Variants in MGMT observed in about 807,000 individuals in gnomAD.
MGMT encodes methylated-DNA--protein-cysteine methyltransferase.
A neutral mutation model predicts 15.9 loss-of-function variants in MGMT; 14 were observed. The ratio of observed to expected loss-of-function variants is 0.88; its 90% CI spans 0.58 to 1.37. The LOEUF is 1.37. Among genes scored for constraint, MGMT ranks in the 40% most tolerant of loss-of-function variants. MGMT has a pLI of 0.00. For synonymous variants in MGMT, 130 were observed against 118.2 expected, an observed-to-expected ratio of 1.10 and a Z score of -0.65; for missense variants, 282 against 268.1, an observed-to-expected ratio of 1.05 and a Z score of -0.36.
Position 129,471,874 on chromosome 10 carries a change from G to A in MGMT, c.-13+4578G>A, listed in dbSNP as rs185418483. Among the ~76,000 whole-genome samples, 3 of 152,318 alleles carry A rather than the reference G, an allele frequency of 2.0e-5. No homozygotes were observed. In the East Asian group the frequency reaches 5.8e-4, roughly 29 times the overall value. On this transcript the variant is annotated intron_variant, in intron 1 of 4. Transcript: ENST00000651593. ...CAGTTGGCATTGCTGCAGGTTTTCTGTGCATATGGGTCTGAGTACGGTTTT... is the reference window on the plus strand; with the variant it reads ...CAGTTGGCATTGCTGCAGGTTTTCTATGCATATGGGTCTGAGTACGGTTTT...
intron 2 of MGMT, among the ~76,000 whole-genome samples, chr10:129,665,128 T>TCCCCTCCTTCAGTCACCCAC (rs141974057): frequency 7.7e-6 from 1 of 129,058 alleles, no homozygotes; most frequent in Non-Finnish European, 1.6e-5. Context: ...CACCCACCCA[T>TCCCCTCCTTCAGTCACCCAC]CCACTCCTTC....
intron 2 of MGMT, among the ~76,000 whole-genome samples, chr10:129,654,131 G>A (rs1056984944): frequency 1.3e-4 from 20 of 152,214 alleles, no homozygotes; most frequent in Admixed American, 6.5e-5. Flanking sequence ...CCCCCGCCTT[G>A]CAGCTGGAGT....
rs58187772 is a variant in MGMT, at chr10:129,691,128, C to G, written c.126-16767C>G. On this transcript the variant is annotated intron_variant, in intron 2 of 4. Transcript: ENST00000651593. ...GCAGCAGTGGGAACTGGGAGCTGTT[C>G]CCGGCGTGGGGAGAAGGCTGACGTT... Among the ~76,000 whole-genome samples the G allele has an allele frequency of 7.0e-3, 1,060 of 152,298 alleles. 14 individuals carry two copies. The highest frequency in any genetic ancestry group is 0.024 in the African/African-American group (1,009 of 41,558).
At chr10:129,700,814 A>G (rs1388182131) in intron 2 of MGMT, 2 of 152,256 alleles carry the variant, frequency 1.3e-5, no homozygotes, top group Non-Finnish European at 2.9e-5. Flanking sequence ...TAAATGCAGG[A>G]CAAATCCATC....
chr10:129,570,956 A>G (rs1179733750), intron 2 of MGMT, among the ~76,000 whole-genome samples: 1 of 152,184 alleles, frequency 6.6e-6, no homozygotes, highest in Non-Finnish European at 1.5e-5. Flanking sequence ...TGTTTTCCCT[A>G]TATCCTTGGT....
intron 1 of MGMT, among the ~76,000 whole-genome samples, chr10:129,518,278 AC>A (rs1845761171): frequency 6.6e-6 from 1 of 151,524 alleles, no homozygotes; most frequent in Non-Finnish European, 1.5e-5. Context: ...ATGTGAAAAA[AC>A]TTTATAAATC....
At chr10:129,547,684 C>A (rs1232731400) in intron 2 of MGMT, among the ~76,000 whole-genome samples, 1 of 152,214 alleles carries the variant, frequency 6.6e-6, no homozygotes, top group East Asian at 1.9e-4. Context: ...AGCTATCCTC[C>A]CGTCCTTGGT....
At chr10:129,583,943 C>T (rs963864600) in intron 2 of MGMT, among the ~76,000 whole-genome samples, 2 of 152,124 alleles carry the variant, frequency 1.3e-5, no homozygotes, top group Admixed American at 6.6e-5. Flanking sequence ...TGAGGCAGGA[C>T]GTGGAGCACC....
At chr10:129,512,038 G>A (rs10741192) in intron 1 of MGMT, among the ~76,000 whole-genome samples, 151,095 of 152,298 alleles carry the variant, frequency 0.99, 74,961 homozygotes, top group Middle Eastern at 1. Flanking sequence ...TGGCTGGCCA[G>A]GAAAGGGCAG....
At chr10:129,622,441 G>A (rs1220382083) in intron 2 of MGMT, among the ~76,000 whole-genome samples, 2 of 152,330 alleles carry the variant, frequency 1.3e-5, no homozygotes, top group East Asian at 3.9e-4. Context: ...GGCATGATCT[G>A]TGCTGGAACC....
intron 1 of MGMT, among the ~76,000 whole-genome samples, chr10:129,524,911 C>T (rs1001814798): frequency 1.3e-5 from 2 of 152,098 alleles, no homozygotes; most frequent in African/African-American, 4.8e-5. Flanking sequence ...TTTATAGGCT[C>T]ATCTTGACAG....
chr10:129,515,814 C>T (rs1311577464), intron 1 of MGMT, among the ~76,000 whole-genome samples: 3 of 151,562 alleles, frequency 2.0e-5, no homozygotes, highest in Non-Finnish European at 4.4e-5. Flanking sequence ...TGATGACAGC[C>T]TCTAACAGAG....
intron 2 of MGMT, among the ~76,000 whole-genome samples, chr10:129,631,270 G>C (rs914479607): frequency 3.9e-5 from 6 of 152,114 alleles, no homozygotes; most frequent in African/African-American, 1.4e-4. Context: ...TAGAGGGAGG[G>C]CTTAGCTCTC....
At position 129,539,753 on chromosome 10, in the gene MGMT, A is replaced by G. The variant is rs1463049886; in HGVS notation, c.125+3376A>G. 3.3e-5 allele frequency among the ~76,000 whole-genome samples: 5 copies of G among 152,134 alleles called. No homozygotes were observed. In the East Asian group the frequency reaches 7.7e-4, roughly 24 times the overall value. On this transcript the variant is annotated intron_variant, in intron 2 of 4. Coordinates refer to ENST00000651593, the MANE Select transcript of MGMT (RefSeq NM_002412.5). ...CATCTCCTGACCTCGTGATCCACCC[A>G]CCTCGGCCTCCCAAAGTGCTGGGAT...
chr10:129,607,208 G>A (rs1228365694), intron 2 of MGMT, among the ~76,000 whole-genome samples: 7 of 151,958 alleles, frequency 4.6e-5, no homozygotes, highest in African/African-American at 4.8e-5. Context: ...AGAACCACGC[G>A]TAAATCCTCA....
chr10:129,496,534 C>T (rs144340817), intron 1 of MGMT, among the ~76,000 whole-genome samples: 48 of 152,234 alleles, frequency 3.2e-4, no homozygotes, highest in African/African-American at 1.0e-3. Context: ...TACTGGCAGC[C>T]GTCTCTAGCC....
chr10:129,753,449 G>T (rs1163337099), intron 3 of MGMT, among the ~76,000 whole-genome samples: 1 of 151,950 alleles, frequency 6.6e-6, no homozygotes, highest in Non-Finnish European at 1.5e-5. Context: ...TGTAACTCCA[G>T]TGACATAAAT....
At chr10:129,472,439 C>T (rs191393707) in intron 1 of MGMT, among the ~76,000 whole-genome samples, 5 of 152,110 alleles carry the variant, frequency 3.3e-5, no homozygotes, top group Middle Eastern at 3.4e-3. Flanking sequence ...AAGGATGAAA[C>T]GAGAAGACGG....
At chr10:129,547,214 C>G (rs1357029709) in intron 2 of MGMT, among the ~76,000 whole-genome samples, 1 of 152,162 alleles carries the variant, frequency 6.6e-6, no homozygotes, top group African/African-American at 2.4e-5. Flanking sequence ...CCATAACGTC[C>G]TGTGTCTTGA....
Sources: allele counts gnomAD v4.1 joint callset (sites outside exome capture counted in the v4.1 genomes callset), GRCh38; gene constraint gnomAD v4.1.1; transcripts MANE v1.5; gene names NCBI Gene and HGNC (gene_info 2026-07-23, HGNC 2026-07-21).